The following MGLL variants were observed in gnomAD, a reference collection of about 807,000 sequenced individuals.
MGLL encodes the protein lysophospholipase homolog.
Under a neutral mutation model 29.1 loss-of-function variants are expected in MGLL, and 7 were observed. The observed-to-expected ratio is 0.24, with a 90% CI of 0.14 to 0.45. The LOEUF is 0.45. MGLL is among the 20% of genes least tolerant of loss of function. The probability of loss-of-function intolerance (pLI) is 0.99; values close to 1 mark genes in which losing one functional copy is unlikely to be tolerated. For missense variants in MGLL, 356 were observed against 413.6 expected (o/e 0.86, Z 1.21); for synonymous variants, 148 against 168.3 (o/e 0.88, Z 0.93).
At position 127,819,907 on chromosome 3, in the gene MGLL, G is replaced by A. The variant is rs191312471; in HGVS notation, c.155+1787C>T. Among the ~76,000 whole-genome samples the A allele has an allele frequency of 2.9e-3, 437 of 152,114 alleles. 3 individuals are homozygous for A. Among genetic ancestry groups the A allele is most frequent in the Non-Finnish European group, 5.2e-3 (351 of 67,988 alleles). On this transcript the variant is annotated intron_variant, in intron 2 of 7. Transcript: ENST00000265052. ...ACAGGGTTAACATGAGTCATGGCAA[G>A]GGGCCTCCAGGACCTCTGCATCATC...
At chr3:127,740,740 C>G (rs917277684) in intron 3 of MGLL, among the ~76,000 whole-genome samples, 1 of 152,186 alleles carries the variant, frequency 6.6e-6, no homozygotes, top group Non-Finnish European at 1.5e-5. Context: ...AAGGAAAGCT[C>G]CCCACACTGA....
chr3:127,788,632 A>G (rs1475170439), intron 2 of MGLL, among the ~76,000 whole-genome samples: 1 of 152,026 alleles, frequency 6.6e-6, no homozygotes. Flanking sequence ...CTATGACCCC[A>G]TGATTGGGCA....
At chr3:127,786,734 G>T (rs2077220194) in intron 2 of MGLL, among the ~76,000 whole-genome samples, 1 of 152,214 alleles carries the variant, frequency 6.6e-6, no homozygotes, top group Non-Finnish European at 1.5e-5. Context: ...CCCGTGAAGT[G>T]GGGATAATCC....
chr3:127,772,945 T>C (rs1340500490), intron 3 of MGLL, among the ~76,000 whole-genome samples: 3 of 152,178 alleles, frequency 2.0e-5, no homozygotes, highest in African/African-American at 7.2e-5. Flanking sequence ...GTCAGCACCT[T>C]GACCTTGGAC....
intron 3 of MGLL, among the ~76,000 whole-genome samples, chr3:127,725,240 C>G (rs1215231075): frequency 6.6e-6 from 1 of 152,180 alleles, no homozygotes; most frequent in African/African-American, 2.4e-5. Flanking sequence ...GGCTCTCCTC[C>G]TTCTCATCTG....
chr3:127,785,985 G>C (rs1184086721), intron 2 of MGLL, among the ~76,000 whole-genome samples: 1 of 152,230 alleles, frequency 6.6e-6, no homozygotes, highest in East Asian at 1.9e-4. Context: ...CTGTCCTGGT[G>C]CAGGAGTCCT....
At position 127,692,115 on chromosome 3, in the gene MGLL, TGGCAAGCC is replaced by T; in HGVS notation, c.*75_*82del. The T allele has an allele frequency of 1.2e-5, 6 of 492,142 alleles. No individual in the cohort carries two copies. The highest frequency in any genetic ancestry group is 2.3e-5 in the South Asian group (1 of 42,598). The allele number at this position is 492,142 out of a possible 1,614,324, so 30.5% of individuals were successfully genotyped here. ...TCTGATTTTTTTTTTTTTTTTTTTTTGGCAAGCCATATCTGAGAAGCCATCTCTGCCCT... is the reference window on the plus strand; with the variant it reads ...TCTGATTTTTTTTTTTTTTTTTTTTTATATCTGAGAAGCCATCTCTGCCCT... On this transcript the variant is annotated 3_prime_UTR_variant, in exon 8 of 8. Coordinates refer to ENST00000265052, the MANE Select transcript of MGLL (RefSeq NM_007283.7).
At chr3:127,752,399 G>A (rs1024479719) in intron 3 of MGLL, among the ~76,000 whole-genome samples, 6 of 152,160 alleles carry the variant, frequency 3.9e-5, no homozygotes, top group African/African-American at 7.2e-5. Context: ...ACGCCCGGCC[G>A]TCATTTTGTT....
chr3:127,695,738 C>T (rs760361702), intron 6 of MGLL, among the ~76,000 whole-genome samples: 7 of 151,392 alleles, frequency 4.6e-5, no homozygotes, highest in East Asian at 1.9e-4. Context: ...AGCAAGACTC[C>T]GTCTCAAAAA....
intron 3 of MGLL, among the ~76,000 whole-genome samples, chr3:127,750,378 G>A (rs951250491): frequency 4.6e-5 from 7 of 152,132 alleles, no homozygotes; most frequent in East Asian, 1.9e-4. Flanking sequence ...CTTCATCTGC[G>A]CAGCCAAGGA....
intron 6 of MGLL, among the ~76,000 whole-genome samples, chr3:127,709,376 T>G (rs1212265510): frequency 1.3e-5 from 2 of 152,202 alleles, no homozygotes; most frequent in African/African-American, 4.8e-5. Flanking sequence ...CATGGCTTGC[T>G]AGAATCTCTC....
intron 3 of MGLL, among the ~76,000 whole-genome samples, chr3:127,767,436 C>T (rs1559956625): frequency 1.3e-5 from 2 of 152,128 alleles, no homozygotes; most frequent in Admixed American, 6.5e-5. Flanking sequence ...TGGCTCGTGG[C>T]AAGGATCAAA....
At chr3:127,728,829 T>C (rs907686091) in intron 3 of MGLL, among the ~76,000 whole-genome samples, 2 of 152,222 alleles carry the variant, frequency 1.3e-5, no homozygotes, top group African/African-American at 2.4e-5. Flanking sequence ...GTGTCACCTT[T>C]CACTCTATGA....
chr3:127,806,808 C>T lies in MGLL; in HGVS notation c.155+14886G>A, dbSNP rs188858016. ...TTGGGAGGCCGAGGCGGGTGGATCA[C>T]CTGAGCTCAGGAGTTCGAGACCAGC... On this transcript the variant is annotated intron_variant, in intron 2 of 7. Transcript: ENST00000265052. Among the ~76,000 whole-genome samples, 349 of 152,198 alleles carry T rather than the reference C, an allele frequency of 2.3e-3. 6 individuals are homozygous for T. The highest frequency in any genetic ancestry group is 8.0e-3 in the African/African-American group (334 of 41,540).
chr3:127,768,541 T>C (rs1157701114), intron 3 of MGLL, among the ~76,000 whole-genome samples: 3 of 152,180 alleles, frequency 2.0e-5, no homozygotes, highest in South Asian at 2.1e-4. Context: ...ACTGGAGTCA[T>C]AGAAATAAAA....
chr3:127,753,928 G>A (rs1399045533), intron 3 of MGLL, among the ~76,000 whole-genome samples: 2 of 152,190 alleles, frequency 1.3e-5, no homozygotes, highest in Non-Finnish European at 2.9e-5. Flanking sequence ...GGCATGGGAG[G>A]CACCAGGTGT....
intron 2 of MGLL, among the ~76,000 whole-genome samples, chr3:127,795,107 A>C (rs191586377): frequency 2.5e-4 from 38 of 152,358 alleles, no homozygotes; most frequent in African/African-American, 9.1e-4. Context: ...CATGATAGCA[A>C]AGACATGGAA....
At chr3:127,788,334 C>G (rs2077247532) in intron 2 of MGLL, among the ~76,000 whole-genome samples, 1 of 152,174 alleles carries the variant, frequency 6.6e-6, no homozygotes, top group South Asian at 2.1e-4. Flanking sequence ...CCCCATTTTA[C>G]TGATGAGAAA....
chr3:127,702,204 T>C (rs1166284709), intron 6 of MGLL, among the ~76,000 whole-genome samples: 1 of 152,230 alleles, frequency 6.6e-6, no homozygotes, highest in African/African-American at 2.4e-5. Context: ...CTGCAGTTGA[T>C]GGGCCTGGCT....
Sources: gnomAD v4.1 joint callset for allele counts (sites outside exome capture counted in the v4.1 genomes callset) on GRCh38, gnomAD v4.1.1 for gene constraint, MANE v1.5 for transcripts, NCBI Gene and HGNC (gene_info 2026-07-23, HGNC 2026-07-21) for gene names.